The following GNAQ variants were observed in gnomAD, a reference collection of about 807,000 sequenced individuals.
The protein encoded by GNAQ is guanine nucleotide-binding protein G(q) subunit alpha.
In GNAQ, 8 loss-of-function variants were observed where a neutral mutation model predicts 43.9. The ratio of observed to expected loss-of-function variants is 0.18; its 90% CI spans 0.11 to 0.33. GNAQ has a LOEUF of 0.33. GNAQ is among the 10% of genes least tolerant of loss of function. The pLI is 1.00. For missense variants in GNAQ, 158 were observed against 450.8 expected, an observed-to-expected ratio of 0.35 and a Z score of 5.88; for synonymous variants, 155 against 170.7, an observed-to-expected ratio of 0.91 and a Z score of 0.71.
intron 5 of GNAQ, among the ~76,000 whole-genome samples, chr9:77,743,409 G>A (rs1825683950): frequency 6.6e-6 from 1 of 152,196 alleles, no homozygotes; most frequent in Non-Finnish European, 1.5e-5. Flanking sequence ...ATGGAAATAG[G>A]TGGGAAAATT....
At chr9:77,923,244 C>G (rs146564747) in intron 1 of GNAQ, among the ~76,000 whole-genome samples, 1 of 152,298 alleles carries the variant, frequency 6.6e-6, no homozygotes, top group African/African-American at 2.4e-5. Flanking sequence ...GGTTGGTTGA[C>G]TGAGTTATTC....
chr9:77,766,731 G>T, intron 5 of GNAQ, among the ~76,000 whole-genome samples: 1 of 152,142 alleles, frequency 6.6e-6, no homozygotes, highest in Non-Finnish European at 1.5e-5. Context: ...ACAGTCTGCA[G>T]TCCAAGTGTG....
rs1278917433 is a variant in GNAQ at position 77,718,604 on chromosome 9, T to C, written c.*2719A>G. The C allele has an allele frequency of 8.6e-6, 2 of 232,842 alleles. No homozygotes were observed. Among genetic ancestry groups the C allele is most frequent in the African/African-American group, 2.2e-5 (1 of 45,332 alleles). 14.4% of individuals were successfully genotyped at this position (232,842 alleles called of 1,614,324 possible). On this transcript the variant is annotated 3_prime_UTR_variant, in exon 7 of 7. Coordinates refer to ENST00000286548, the MANE Select transcript of GNAQ (RefSeq NM_002072.5). ...CTTCAAGCTTTGAGATCAGGTTTAA[T>C]TGACTACATTTACTATAGCTCTATT...
chr9:77,936,286 G>T (rs937699068), intron 1 of GNAQ, among the ~76,000 whole-genome samples: 3 of 152,134 alleles, frequency 2.0e-5, no homozygotes, highest in Non-Finnish European at 2.9e-5. Context: ...TATAATGTAT[G>T]GCTCTTGGAT....
In GNAQ at chr9:77,718,726, A is replaced by ATTTTTTTTTTTTTTT. The variant is rs754786107; in HGVS notation, c.*2582_*2596dup. The ATTTTTTTTTTTTTTT allele has an allele frequency of 3.5e-5, 4 of 114,382 alleles. No homozygotes were observed. Among genetic ancestry groups the ATTTTTTTTTTTTTTT allele is most frequent in the Admixed American group, 1.6e-4 (1 of 6,064 alleles). 7.1% of individuals were successfully genotyped at this position (114,382 alleles called of 1,614,324 possible). On this transcript the variant is annotated 3_prime_UTR_variant, in exon 7 of 7. Transcript: ENST00000286548. ...GTAGGCCTTCAAATGTTGTTGTTTA[A>ATTTTTTTTTTTTTTT]TTTTTTTTTTTTTTTTTTTTTTTTT...
At chr9:77,970,850 G>A (rs1287188971) in intron 1 of GNAQ, among the ~76,000 whole-genome samples, 1 of 152,058 alleles carries the variant, frequency 6.6e-6, no homozygotes, top group East Asian at 1.9e-4. Context: ...ATGAATCCAG[G>A]AGCTGGTTTT....
At chr9:77,780,442 ATT>A (rs34967331) in intron 5 of GNAQ, among the ~76,000 whole-genome samples, 284 of 145,960 alleles carry the variant, frequency 1.9e-3, no homozygotes, top group Admixed American at 2.4e-3. Context: ...ATAGGATTTC[ATT>A]TTTTTTTTTT....
chr9:77,790,932 T>G (rs1278452310), intron 5 of GNAQ, among the ~76,000 whole-genome samples: 1 of 152,160 alleles, frequency 6.6e-6, no homozygotes, highest in African/African-American at 2.4e-5. Flanking sequence ...TATAAAGTGC[T>G]AAGGTATTAT....
rs961442347 is a variant in GNAQ at position 77,922,427 on chromosome 9, G to A, written c.137-82C>T. On this transcript the variant is annotated intron_variant, in intron 1 of 6. Coordinates refer to ENST00000286548, the MANE Select transcript of GNAQ (RefSeq NM_002072.5). Reference sequence around the variant, plus strand: ...TAACTAAACCAAATACCATGCCTTGGATTTAACATCCCCAGATAGCCTGCT... The same window carrying A: ...TAACTAAACCAAATACCATGCCTTGAATTTAACATCCCCAGATAGCCTGCT... 5 of 791,488 alleles carry A rather than the reference G, an allele frequency of 6.3e-6. No homozygotes were observed. The African/African-American group carries it at 7.0e-5, about 11-fold the overall frequency. The allele number at this position is 791,488 out of a possible 1,614,324, so 49.0% of individuals were successfully genotyped here. A position where few individuals can be genotyped will look rare whatever the true frequency, so the allele number is the denominator to read the frequency against.
chr9:77,849,168 G>T (rs1445041359), intron 2 of GNAQ, among the ~76,000 whole-genome samples: 1 of 152,128 alleles, frequency 6.6e-6, no homozygotes, highest in East Asian at 1.9e-4. Flanking sequence ...CGACAGCAAA[G>T]GACGTCGATT....
chr9:77,742,592 A>C (rs549638592), intron 5 of GNAQ, among the ~76,000 whole-genome samples: 1 of 152,200 alleles, frequency 6.6e-6, no homozygotes, highest in Non-Finnish European at 1.5e-5. Flanking sequence ...GAAAAAAAAA[A>C]ACCAATGTTC....
At chr9:77,813,144 C>T (rs961043591) in intron 3 of GNAQ, among the ~76,000 whole-genome samples, 2 of 152,120 alleles carry the variant, frequency 1.3e-5, no homozygotes, top group Non-Finnish European at 2.9e-5. Flanking sequence ...TCTCGAACTC[C>T]TGACCTCAAG....
At chr9:77,952,535 ATT>A (rs1469657684) in intron 1 of GNAQ, among the ~76,000 whole-genome samples, 1 of 152,230 alleles carries the variant, frequency 6.6e-6, no homozygotes, top group Non-Finnish European at 1.5e-5. Flanking sequence ...AGTTTATTAC[ATT>A]TTGTTTTCAA....
intron 1 of GNAQ, among the ~76,000 whole-genome samples, chr9:77,990,286 T>C (rs1823492517): frequency 6.6e-6 from 1 of 152,226 alleles, no homozygotes; most frequent in South Asian, 2.1e-4. Flanking sequence ...TGGAGTGCAG[T>C]GGCACAATAA....
intron 6 of GNAQ, among the ~76,000 whole-genome samples, chr9:77,722,141 CTT>C (rs398068684): frequency 9.8e-5 from 14 of 143,434 alleles, no homozygotes; most frequent in Non-Finnish European, 4.6e-5. Flanking sequence ...ATTTTCTTTT[CTT>C]TTTTTTTTTT....
chr9:77,881,160 T>A (rs1319321546), intron 2 of GNAQ, among the ~76,000 whole-genome samples: 1 of 152,180 alleles, frequency 6.6e-6, no homozygotes, highest in Non-Finnish European at 1.5e-5. Flanking sequence ...GACCTTTTTC[T>A]ACACAAATTA....
chr9:77,780,792 A>G (rs1022397400), intron 5 of GNAQ, among the ~76,000 whole-genome samples: 1 of 151,874 alleles, frequency 6.6e-6, no homozygotes, highest in African/African-American at 2.4e-5. Context: ...TGTCTTTTTG[A>G]TAATGGCCTT....
intron 1 of GNAQ, among the ~76,000 whole-genome samples, chr9:77,947,823 T>C (rs1822923489): frequency 6.6e-6 from 1 of 152,206 alleles, no homozygotes; most frequent in African/African-American, 2.4e-5. Flanking sequence ...TTCAGCGCCA[T>C]GGAAGCAGCC....
chr9:77,744,723 C>G (rs1825704892), intron 5 of GNAQ, among the ~76,000 whole-genome samples: 1 of 151,998 alleles, frequency 6.6e-6, no homozygotes, highest in Non-Finnish European at 1.5e-5. Context: ...CTGTATGCTA[C>G]TATTAGTAGG....
Sources: gnomAD v4.1 joint callset for allele counts (sites outside exome capture counted in the v4.1 genomes callset) on GRCh38, gnomAD v4.1.1 for gene constraint, MANE v1.5 for transcripts, NCBI Gene and HGNC (gene_info 2026-07-23, HGNC 2026-07-21) for gene names.